UHRF2: variants seen among roughly 807,000 people sequenced by gnomAD.
UHRF2 encodes ubiquitin like with PHD and ring finger domains 2.
A neutral mutation model predicts 96.8 loss-of-function variants in UHRF2; 23 were observed. The observed-to-expected ratio is 0.24, with a 90% CI of 0.17 to 0.34. UHRF2 has a LOEUF of 0.34. Among genes scored for constraint, UHRF2 ranks in the 10% least tolerant of loss-of-function variants. The pLI is 1.00. For missense variants in UHRF2, 685 were observed against 981.5 expected (o/e 0.70, Z 4.04); for synonymous variants, 385 against 332.6 (o/e 1.16, Z -1.72).
intron 1 of UHRF2, among the ~76,000 whole-genome samples, chr9:6,414,477 A>G (rs1027065853): frequency 1.3e-5 from 2 of 152,166 alleles, no homozygotes; most frequent in Non-Finnish European, 2.9e-5. Context: ...GTCTGTGGGC[A>G]TCTCTGGTAT....
intron 9 of UHRF2, among the ~76,000 whole-genome samples, chr9:6,491,820 G>A (rs186320695): frequency 2.0e-4 from 30 of 152,322 alleles, no homozygotes; most frequent in Admixed American, 1.7e-3. Context: ...GCTACTGCCT[G>A]CCAGGCACAA....
Position 6,466,983 on chromosome 9 carries a change from T to A in UHRF2, c.863+6192T>A, listed in dbSNP as rs533584914. The stretch of plus-strand genomic sequence containing the variant: ...TTACTCTGACTTTTTCTGAATTCTT[T>A]ATTTTATTTATTATCACCCCATTTG... On this transcript the variant is annotated intron_variant, in intron 4 of 15. Coordinates refer to ENST00000276893, the MANE Select transcript of UHRF2 (RefSeq NM_152896.3). Among the ~76,000 whole-genome samples the A allele has an allele frequency of 1.3e-4, 20 of 152,340 alleles. 1 individual carries two copies. The South Asian group carries it at 4.1e-3, about 32-fold the overall frequency.
intron 2 of UHRF2, among the ~76,000 whole-genome samples, chr9:6,429,724 T>A (rs1397770888): frequency 3.9e-5 from 6 of 152,258 alleles, no homozygotes; most frequent in Non-Finnish European, 8.8e-5. Flanking sequence ...CTTGCTGGGT[T>A]GGCACGTTAC....
At chr9:6,424,006 T>C (rs1820090291) in intron 2 of UHRF2, among the ~76,000 whole-genome samples, 1 of 11,888 alleles carries the variant, frequency 8.4e-5, no homozygotes, top group African/African-American at 3.4e-4. Context: ...AATAGGTTAA[T>C]ATTTTAAACA....
chr9:6,506,175 G>A lies in UHRF2; in HGVS notation c.2405G>A (p.Arg802Gln), dbSNP rs371648083. 1 of 1,614,016 alleles carries A rather than the reference G, an allele frequency of 6.2e-7. No homozygotes were observed. Among genetic ancestry groups the A allele is most frequent in the Non-Finnish European group, 8.5e-7 (1 of 1,179,950 alleles). The part of the protein sequence containing the change: ...DLFFPGYSKG[R>Q] ...TTCTTCCCTGGCTACAGCAAAGGAC[G>A]ATGATCTGCCTGCTTTCACTGTGTT... Residue 802 changes from arginine (R) to glutamine (Q), a missense_variant, in exon 16 of 16, where the codon CGA (arginine) becomes CAA (glutamine). Physicochemically the swap from Arg to Gln is conservative, Grantham distance 43. This residue lies in a region of UHRF2 where 71 missense variants were observed against 114.1 expected (regional missense o/e 0.62). Coordinates refer to ENST00000276893, the MANE Select transcript of UHRF2 (RefSeq NM_152896.3).
intron 2 of UHRF2, among the ~76,000 whole-genome samples, chr9:6,432,568 C>T (rs555284786): frequency 6.6e-5 from 10 of 152,166 alleles, no homozygotes; most frequent in Admixed American, 4.6e-4. Context: ...CCTTTGTTTC[C>T]GTATTTTGTA....
intron 3 of UHRF2, among the ~76,000 whole-genome samples, chr9:6,456,716 G>A (rs1822200397): frequency 6.6e-6 from 1 of 152,168 alleles, no homozygotes; most frequent in Non-Finnish European, 1.5e-5. Flanking sequence ...TATATAAGGT[G>A]TAAGGAAAGG....
chr9:6,413,478 T>C lies in UHRF2; in HGVS notation c.-13T>C, dbSNP rs747910811. 6.5e-6 allele frequency: 10 copies of C among 1,535,642 alleles called. No homozygotes were observed. In the South Asian group the frequency reaches 1.1e-4, roughly 16 times the overall value. ...GGGAGACAAAGGGGACCGGTTCCTC[T>C]CTAGGCGCCAAGATGTGGATACAGG... On this transcript the variant is annotated 5_prime_UTR_variant, in exon 1 of 16. Coordinates refer to ENST00000276893, the MANE Select transcript of UHRF2 (RefSeq NM_152896.3).
intron 1 of UHRF2, chr9:6,414,300 C>T (rs1480673610): frequency 2.0e-5 from 3 of 152,256 alleles, no homozygotes; most frequent in Non-Finnish European, 4.4e-5. Context: ...GTCGGTTTAA[C>T]CGGGGGCCGG....
At chr9:6,453,883 C>A (rs1280253348) in intron 3 of UHRF2, among the ~76,000 whole-genome samples, 1 of 151,864 alleles carries the variant, frequency 6.6e-6, no homozygotes, top group Non-Finnish European at 1.5e-5. Flanking sequence ...CCAACCTGGG[C>A]AACAGAGTAA....
chr9:6,488,609 G>A (rs1162678095), intron 9 of UHRF2, among the ~76,000 whole-genome samples: 2 of 135,554 alleles, frequency 1.5e-5, no homozygotes, highest in East Asian at 2.3e-4. Flanking sequence ...GTGCAATGGC[G>A]CCATCTCAGT....
chr9:6,486,248 G>A (rs769508899), intron 8 of UHRF2, among the ~76,000 whole-genome samples: 2 of 152,206 alleles, frequency 1.3e-5, no homozygotes, highest in Non-Finnish European at 2.9e-5. Flanking sequence ...AAAAGGATCT[G>A]TTGTGAGCAT....
intron 2 of UHRF2, among the ~76,000 whole-genome samples, chr9:6,428,645 G>C (rs73399687): frequency 0.022 from 3,204 of 144,802 alleles, 127 homozygotes; most frequent in African/African-American, 0.079. Context: ...AACCTTCTGG[G>C]CTTAAGCGAT....
chr9:6,427,712 A>T (rs879733286), intron 2 of UHRF2, among the ~76,000 whole-genome samples: 1 of 152,150 alleles, frequency 6.6e-6, no homozygotes, highest in Admixed American at 6.5e-5. Context: ...ATCTGAAGTT[A>T]TTTATTGCTC....
At chr9:6,466,471 C>G (rs1822863417) in intron 4 of UHRF2, among the ~76,000 whole-genome samples, 2 of 141,694 alleles carry the variant, frequency 1.4e-5, no homozygotes, top group South Asian at 4.8e-4. Flanking sequence ...ACTCAGGAGG[C>G]TGAGGTTGTA....
chr9:6,418,567 A>G (rs1233998973), intron 1 of UHRF2, among the ~76,000 whole-genome samples: 2 of 152,154 alleles, frequency 1.3e-5, no homozygotes, highest in Non-Finnish European at 2.9e-5. Flanking sequence ...TTTTATTTCC[A>G]TTTGGTTGAC....
intron 9 of UHRF2, among the ~76,000 whole-genome samples, chr9:6,487,583 T>C (rs1447833295): frequency 2.0e-5 from 3 of 152,238 alleles, no homozygotes; most frequent in African/African-American, 7.2e-5. Flanking sequence ...GCCAGGCTGG[T>C]CTCGAACTCC....
intron 9 of UHRF2, chr9:6,492,376 A>G: frequency 8.4e-7 from 1 of 1,189,100 alleles, no homozygotes; most frequent in Non-Finnish European, 1.1e-6. Context: ...TGATCAGTTT[A>G]AGAAGTATTC....
chr9:6,432,741 A>G (rs1382926692), intron 2 of UHRF2, among the ~76,000 whole-genome samples: 3 of 152,220 alleles, frequency 2.0e-5, no homozygotes, highest in Non-Finnish European at 2.9e-5. Context: ...ACTTGATGAA[A>G]TAGTGATCTT....
Sources: allele counts gnomAD v4.1 joint callset (sites outside exome capture counted in the v4.1 genomes callset), GRCh38; gene constraint gnomAD v4.1.1; regional missense constraint gnomAD v4.1.1; transcripts MANE v1.5; gene names NCBI Gene and HGNC (gene_info 2026-07-23, HGNC 2026-07-21).